Variants in CLEC20A observed in about 807,000 individuals in gnomAD.
CLEC20A encodes the protein C-type lectin domain containing 20A, also known as putative C-type lectin domain family 20 member A.
intron 1 of CLEC20A, 47 bp downstream of exon 1, chr1:178,496,853 G>C (rs2473830): frequency 2.3e-5 from 9 of 398,672 alleles, no homozygotes; most frequent in Middle Eastern, 1.3e-3. Context: ...CCTCTAGCCC[G>C]GGGGAGCATG....
intron 6 of CLEC20A, chr1:178,482,793 T>A: frequency 4.8e-6 from 1 of 207,294 alleles, no homozygotes; most frequent in Non-Finnish European, 9.5e-6. Flanking sequence ...TTTAAATAAA[T>A]CCAGCCTTTG....
intron 7 of CLEC20A, chr1:178,481,206 A>C (rs1648975808): frequency 6.6e-6 from 1 of 152,196 alleles, no homozygotes; most frequent in South Asian, 2.1e-4. Context: ...ATATTTTATT[A>C]TAATTTGTAA....
chr1:178,496,562 C>T (rs1011702015), intron 1 of CLEC20A: 2 of 283,748 alleles, frequency 7.0e-6, no homozygotes, highest in Non-Finnish European at 1.3e-5. Context: ...GTCCACACCC[C>T]GGTGATGTCC....
chr1:178,493,963 G>A (rs767440298), intron 2 of CLEC20A, among the ~76,000 whole-genome samples: 9 of 152,098 alleles, frequency 5.9e-5, no homozygotes, highest in Non-Finnish European at 1.0e-4. Flanking sequence ...TGAGGTCTTC[G>A]AATAGGGGTG....
At chr1:178,490,507 C>T (rs1054547663) in intron 3 of CLEC20A, 70 bp from the exon 4 acceptor site, 3 of 397,954 alleles carry the variant, frequency 7.5e-6, no homozygotes, top group African/African-American at 2.1e-5. Context: ...CTTCATCACC[C>T]TTGGGGATAG....
chr1:178,495,915 G>C (rs774345612), intron 1 of CLEC20A: 4 of 152,588 alleles, frequency 2.6e-5, no homozygotes, highest in Non-Finnish European at 4.4e-5. Flanking sequence ...TGGGACCTTG[G>C]GGGTCTGGGC....
At chr1:178,481,385 A>C (rs946846341) in intron 7 of CLEC20A, 1 of 152,222 alleles carries the variant, frequency 6.6e-6, no homozygotes, top group Non-Finnish European at 1.5e-5. Context: ...GCAATGAACT[A>C]ACAGGTAAAT....
At chr1:178,487,454 T>C (rs1390657936) in intron 5 of CLEC20A, among the ~76,000 whole-genome samples, 1 of 152,184 alleles carries the variant, frequency 6.6e-6, no homozygotes, top group African/African-American at 2.4e-5. Context: ...CCACCCCACC[T>C]GCAGCTCCTT....
intron 3 of CLEC20A, among the ~76,000 whole-genome samples, chr1:178,491,438 A>G (rs1342266678): frequency 2.0e-5 from 3 of 152,088 alleles, no homozygotes; most frequent in Non-Finnish European, 2.9e-5. Flanking sequence ...TTCCCTATCT[A>G]AACAGATTTT....
chr1:178,493,391 C>T (rs1649312218), intron 2 of CLEC20A: 2 of 152,370 alleles, frequency 1.3e-5, no homozygotes, highest in African/African-American at 4.8e-5. Flanking sequence ...CCTCCATAAC[C>T]CTATTTGAGA....
Position 178,483,283 on chromosome 1 carries a change from C to T in CLEC20A, c.929-1G>A, listed in dbSNP as rs957820255. The T allele has an allele frequency of 7.5e-6, 3 of 398,482 alleles. No homozygotes were observed. Among genetic ancestry groups the T allele is most frequent in the African/African-American group, 6.2e-5 (3 of 48,594 alleles). 24.7% of individuals were successfully genotyped at this position (398,482 alleles called of 1,614,324 possible). A position where few individuals can be genotyped will look rare whatever the true frequency, so the allele number is the denominator to read the frequency against. ...GTGCCACTCCCTACACTGGCCACAGCTACAGGAGGGGAAAATAAAAGATTT... is the reference window on the plus strand; with the variant it reads ...GTGCCACTCCCTACACTGGCCACAGTTACAGGAGGGGAAAATAAAAGATTT... On this transcript the variant is annotated splice_acceptor_variant, in intron 5 of 7. Coordinates refer to ENST00000623247, the Ensembl canonical transcript of CLEC20A. LOFTEE classifies it high-confidence loss of function.
exon 7 of CLEC20A, chr1:178,482,324 T>C (rs1268362961): frequency 5.0e-6 from 2 of 398,412 alleles, no homozygotes; most frequent in Non-Finnish European, 8.8e-6. Flanking sequence ...GTCTCAGAAA[T>C]TGGTCTTTCA....
intron 5 of CLEC20A, chr1:178,486,868 G>C (rs1298112658): frequency 2.0e-5 from 8 of 398,244 alleles, no homozygotes; most frequent in Non-Finnish European, 3.1e-5. Flanking sequence ...CCCCGGGGCC[G>C]CGAGGTTGGC....
exon 4 of CLEC20A, chr1:178,490,207 C>T: frequency 2.5e-6 from 1 of 398,818 alleles, no homozygotes. Flanking sequence ...GGGATGCTGG[C>T]CCCCAGGTCA....
At chr1:178,480,001 T>G (rs894140302) in intron 7 of CLEC20A, 3 of 81,356 alleles carry the variant, frequency 3.7e-5, no homozygotes, top group Non-Finnish European at 4.2e-5. Flanking sequence ...CTGGCCAGGC[T>G]TTTTTTTTTT....
Position 178,483,270 on chromosome 1 carries a change from A to G in CLEC20A, c.941T>C (p.Val314Ala), listed in dbSNP as rs144107827. The change falls in exon 6 of 8, where the codon GTA becomes GCA. Residue 314 changes from valine to alanine, a missense_variant. Val to Ala is a moderately conservative substitution (Grantham distance 64). Transcript: ENST00000623247. ...ATCTCTTCTATCAGTGCCACTCCCT[A>G]CACTGGCCACAGCTACAGGAGGGGA... 173 of 398,582 alleles carry G rather than the reference A, an allele frequency of 4.3e-4. 1 individual carries two copies. Among genetic ancestry groups the G allele is most frequent in the African/African-American group, 3.4e-3 (167 of 48,724 alleles). The allele number at this position is 398,582 out of a possible 1,614,324, so 24.7% of individuals were successfully genotyped here. A position where few individuals can be genotyped will look rare whatever the true frequency, so the allele number is the denominator to read the frequency against.
In CLEC20A at chr1:178,482,972, A is replaced by G. The variant is rs1019642847; in HGVS notation, c.1036+203T>C. ...CACATCCCCTTCACAGAAGAGAAAT[A>G]GAAATTCAGAAACTTGTCCCCTAAG... On this transcript the variant is annotated intron_variant, in intron 6 of 7. Transcript: ENST00000623247. 3 of 382,104 alleles carry G rather than the reference A, an allele frequency of 7.9e-6. No individual in the cohort carries two copies. In the East Asian group the frequency reaches 1.1e-4, roughly 14 times the overall value. The allele number at this position is 382,104 out of a possible 1,614,324, so 23.7% of individuals were successfully genotyped here.
rs1172092244 is a variant in CLEC20A at position 178,491,906 on chromosome 1, C to T, written c.463+595G>A. Among the ~76,000 whole-genome samples, 3 of 152,138 alleles carry T rather than the reference C, an allele frequency of 2.0e-5. No individual in the cohort carries two copies. In the East Asian group the frequency reaches 5.8e-4, roughly 29 times the overall value. ...CAACCCCAGAGTGAGAGCTGGGCTG[C>T]AGCCAAGGGCCCATCCACTGTCTGA... On this transcript the variant is annotated intron_variant, in intron 3 of 7. Transcript: ENST00000623247.
intron 7 of CLEC20A, chr1:178,482,066 AAAAAAAACAAAAAAAC>A (rs538458656): frequency 3.0e-6 from 1 of 329,182 alleles, no homozygotes; most frequent in Non-Finnish European, 5.4e-6. Flanking sequence ...GTCTTGACCA[AAAAAAAACAAAAAAAC>A]AAAAAAACAA....
Sources: gnomAD v4.1 joint callset for allele counts (sites outside exome capture counted in the v4.1 genomes callset) on GRCh38, gnomAD v4.1.1 for gene constraint, MANE v1.5 for transcripts, NCBI Gene and HGNC (gene_info 2026-07-23, HGNC 2026-07-21) for gene names.